Variants in SAMD8 observed in about 807,000 individuals in gnomAD.
SAMD8 encodes the protein sterile alpha motif domain containing 8, also known as sphingomyelin synthase-related protein 1.
A neutral mutation model predicts 42.0 loss-of-function variants in SAMD8; 20 were observed. The observed-to-expected ratio is 0.48, with a 90% CI of 0.34 to 0.69. The LOEUF is 0.69. Among genes scored for constraint, SAMD8 ranks in the 30% least tolerant of loss-of-function variants. SAMD8 has a pLI of 0.01. For missense variants in SAMD8, 328 were observed against 511.6 expected (o/e 0.64, Z 3.46); for synonymous variants, 162 against 173.0 (o/e 0.94, Z 0.50).
chr10:75,111,865 A>G (rs933655384), intron 1 of SAMD8, 143 bp downstream of exon 1: 10 of 1,014,966 alleles, frequency 9.9e-6, no homozygotes, highest in South Asian at 1.0e-4. Flanking sequence ...GGGAACCGGG[A>G]TAGTCAGCTC....
chr10:75,108,603 C>G (rs1848662626), upstream of SAMD8, among the ~76,000 whole-genome samples: 1 of 152,106 alleles, frequency 6.6e-6, no homozygotes, highest in Non-Finnish European at 1.5e-5. Context: ...TGTTTAGAGG[C>G]AACACCTTCT....
chr10:75,111,519 G>A (rs1247165430), upstream of SAMD8: 4 of 1,230,376 alleles, frequency 3.3e-6, no homozygotes, highest in African/African-American at 6.2e-5. Context: ...CCGAGCAGCT[G>A]CCGGCGCGGC....
At chr10:75,150,280 T>G (rs61859873) in intron 1 of SAMD8, 1 of 33,766 alleles carries the variant, frequency 3.0e-5, no homozygotes, top group South Asian at 7.8e-4. Context: ...CAGGCTAAAA[T>G]TTTTTTTTTT....
At chr10:75,103,805 T>TCTCTC in intron 1 of SAMD8, 3 of 1,065,080 alleles carry the variant, frequency 2.8e-6, no homozygotes, top group Non-Finnish European at 3.7e-6. Flanking sequence ...ACCCCCTTCC[T>TCTCTC]CTCTCCTCCC....
In SAMD8 at chr10:75,180,398, A is replaced by G. The variant is rs1841060478; in HGVS notation, c.*3706A>G. 1.3e-5 allele frequency: 2 copies of G among 152,206 alleles called. No homozygotes were observed. The highest frequency in any genetic ancestry group is 4.8e-5 in the African/African-American group (2 of 41,430). The allele number at this position is 152,206 out of a possible 1,614,324, so 9.4% of individuals were successfully genotyped here. On this transcript the variant is annotated 3_prime_UTR_variant, in exon 6 of 6. Coordinates refer to ENST00000542569, the MANE Select transcript of SAMD8 (RefSeq NM_001174156.2). The stretch of plus-strand genomic sequence containing the variant: ...GCCAATGTGGTGAAACTCCGTCTCT[A>G]CTAAAAATACAAAAATTAGCCGGGC...
intron 3 of SAMD8, among the ~76,000 whole-genome samples, chr10:75,166,154 C>A (rs1209273018): frequency 6.6e-6 from 1 of 151,846 alleles, no homozygotes; most frequent in Non-Finnish European, 1.5e-5. Context: ...TTTACTGCTT[C>A]TTGTGGAGCA....
In SAMD8 at chr10:75,129,134, T is replaced by TA. The variant is rs1196104619; in HGVS notation, c.-16+17412_-16+17413insA. Among the ~76,000 whole-genome samples the TA allele has an allele frequency of 5.6e-5, 7 of 124,456 alleles. No homozygotes were observed. In the Admixed American group the frequency reaches 5.7e-4, roughly 10 times the overall value. The allele number at this position is 124,456 out of a possible 152,430, so 81.6% of individuals were successfully genotyped here. A position where few individuals can be genotyped will look rare whatever the true frequency, so the allele number is the denominator to read the frequency against. On this transcript the variant is annotated intron_variant, in intron 1 of 5. Transcript: ENST00000542569. ...TCTTCTTTGTACTTCCTCTTCTTCTTCTTATTTTTTTTTTTTTAAAGACTA... is the reference window on the plus strand; with the variant it reads ...TCTTCTTTGTACTTCCTCTTCTTCTTACTTATTTTTTTTTTTTTAAAGACTA...
intron 2 of SAMD8, among the ~76,000 whole-genome samples, chr10:75,161,497 A>C (rs1840556994): frequency 6.6e-6 from 1 of 152,106 alleles, no homozygotes; most frequent in Admixed American, 6.6e-5. Context: ...CTTTACTGTC[A>C]AATATGAATG....
chr10:75,164,619 T>C, intron 2 of SAMD8, 26 bp from the exon 3 acceptor site: 2 of 1,608,508 alleles, frequency 1.2e-6, no homozygotes, highest in South Asian at 1.1e-5. Context: ...ACTTCTTCAA[T>C]TCAAAATCAT....
chr10:75,145,499 ATAT>A (rs1354267288), intron 1 of SAMD8, among the ~76,000 whole-genome samples: 1 of 152,096 alleles, frequency 6.6e-6, no homozygotes, highest in Non-Finnish European at 1.5e-5. Context: ...ATTTCTATTA[ATAT>A]TCTTGAGCTT....
chr10:75,115,332 A>T (rs1260461188), intron 1 of SAMD8, among the ~76,000 whole-genome samples: 1 of 152,210 alleles, frequency 6.6e-6, no homozygotes, highest in African/African-American at 2.4e-5. Flanking sequence ...CAGGACAGTG[A>T]TGCTTACTTT....
At chr10:75,131,338 T>C (rs7088974) in intron 1 of SAMD8, among the ~76,000 whole-genome samples, 84,389 of 152,066 alleles carry the variant, frequency 0.55, 25,288 homozygotes, top group East Asian at 0.9. Flanking sequence ...TCTATTACAT[T>C]TTGATTTGAT....
At chr10:75,111,509 C>T (rs1018050621), upstream of SAMD8, 7 of 1,228,834 alleles carry the variant, frequency 5.7e-6, no homozygotes, top group Non-Finnish European at 5.1e-6. Context: ...CGGTTCGGCT[C>T]CGAGCAGCTG....
intron 1 of SAMD8, among the ~76,000 whole-genome samples, chr10:75,138,787 A>G (rs1484632434): frequency 6.6e-6 from 1 of 152,176 alleles, no homozygotes; most frequent in Non-Finnish European, 1.5e-5. Context: ...ACCAGAGGTC[A>G]CCCAAAAGAT....
chr10:75,148,980 C>G (rs1840216189), intron 1 of SAMD8, among the ~76,000 whole-genome samples: 1 of 151,846 alleles, frequency 6.6e-6, no homozygotes, highest in African/African-American at 2.4e-5. Context: ...TAAAAAAGAA[C>G]ATTTGTATTA....
intron 1 of SAMD8, among the ~76,000 whole-genome samples, chr10:75,139,418 T>TAAG (rs1194420962): frequency 6.6e-6 from 1 of 152,194 alleles, no homozygotes. Context: ...ATGCCATTTA[T>TAAG]AATAATAATA....
At position 75,164,563 on chromosome 10, in the gene SAMD8, A is replaced by C. The variant is rs1215981225; in HGVS notation, c.579-82A>C. 36 of 1,542,452 alleles carry C rather than the reference A, an allele frequency of 2.3e-5. 1 individual carries two copies. The highest frequency in any genetic ancestry group is 3.0e-5 in the Non-Finnish European group (34 of 1,135,826). On this transcript the variant is annotated intron_variant, in intron 2 of 5. Transcript: ENST00000542569. Reference sequence around the variant, plus strand: ...ATATAAAACCAATTTTAAGGTCATTATTAAAAGAGCACCTTACTGAAAAGG... The same window carrying C: ...ATATAAAACCAATTTTAAGGTCATTCTTAAAAGAGCACCTTACTGAAAAGG...
At position 75,149,864 on chromosome 10, in the gene SAMD8, TGTC is replaced by T. The variant is rs141373343; in HGVS notation, c.-15-647_-15-645del. 9.1e-3 allele frequency among the ~76,000 whole-genome samples: 1,384 copies of T among 152,234 alleles called. 7 individuals carry two copies. The highest frequency in any genetic ancestry group is 0.013 in the Non-Finnish European group (907 of 68,016). ...TGCAGTGGAAAAGCCATTTGTAAAA[TGTC>T]GTTCTGTAAAAATGTTTGGTTATTA... On this transcript the variant is annotated intron_variant, in intron 1 of 5. Coordinates refer to ENST00000542569, the MANE Select transcript of SAMD8 (RefSeq NM_001174156.2).
chr10:75,159,384 A>T (rs1369406610), intron 2 of SAMD8, among the ~76,000 whole-genome samples: 1 of 152,126 alleles, frequency 6.6e-6, no homozygotes, highest in East Asian at 1.9e-4. Context: ...ATTTGCAGTG[A>T]GGATTTCAAA....
Sources: gnomAD v4.1 joint callset for allele counts (sites outside exome capture counted in the v4.1 genomes callset) on GRCh38, gnomAD v4.1.1 for gene constraint, MANE v1.5 for transcripts, NCBI Gene and HGNC (gene_info 2026-07-23, HGNC 2026-07-21) for gene names.